Variants in ZNF385D observed in about 807,000 individuals in gnomAD.
ZNF385D encodes the protein zinc finger protein 385D.
A neutral mutation model predicts 35.8 loss-of-function variants in ZNF385D; 15 were observed. The ratio of observed to expected loss-of-function variants is 0.42; its 90% CI spans 0.28 to 0.64. ZNF385D has a LOEUF of 0.64. Ranked by LOEUF, ZNF385D falls within the 30% of genes least tolerant of loss-of-function variation. The probability of loss-of-function intolerance (pLI) is 0.23; values close to 1 mark genes in which losing one functional copy is unlikely to be tolerated. For missense variants in ZNF385D, 474 were observed against 494.6 expected (o/e 0.96, Z 0.39); for synonymous variants, 212 against 186.8 (o/e 1.13, Z -1.10).
chr3:22,338,698 A>ATTTTTTTTTTTTTTTTTTTTTTTTTTTT (rs562729331), intron 2 of ZNF385D, among the ~76,000 whole-genome samples: 2 of 125,434 alleles, frequency 1.6e-5, no homozygotes, highest in African/African-American at 3.1e-5. Context: ...TATTCATCTC[A>ATTTTTTTTTTTTTTTTTTTTTTTTTTTT]TTTTTTTTTT....
At chr3:21,529,503 T>C (rs2061870183) in intron 3 of ZNF385D, among the ~76,000 whole-genome samples, 1 of 152,172 alleles carries the variant, frequency 6.6e-6, no homozygotes, top group Non-Finnish European at 1.5e-5. Flanking sequence ...TTTTAAAAAT[T>C]CACTTCTGCC....
At chr3:21,854,514 T>G (rs1046817844) in intron 3 of ZNF385D, among the ~76,000 whole-genome samples, 1 of 151,968 alleles carries the variant, frequency 6.6e-6, no homozygotes, top group African/African-American at 2.4e-5. Flanking sequence ...TGTAGACATC[T>G]TAAAATTCTT....
At chr3:21,496,556 A>C (rs1705901669) in intron 4 of ZNF385D, among the ~76,000 whole-genome samples, 1 of 119,686 alleles carries the variant, frequency 8.4e-6, no homozygotes, top group African/African-American at 3.9e-5. Flanking sequence ...ATATACACAC[A>C]TATATTTGAT....
chr3:22,049,007 T>C (rs573265705), intron 3 of ZNF385D, among the ~76,000 whole-genome samples: 1 of 152,228 alleles, frequency 6.6e-6, no homozygotes, highest in Non-Finnish European at 1.5e-5. Flanking sequence ...ATAGAAATGC[T>C]GTTAATTGGC....
chr3:22,094,880 C>G (rs1388942089), intron 3 of ZNF385D, among the ~76,000 whole-genome samples: 1 of 151,972 alleles, frequency 6.6e-6, no homozygotes, highest in Non-Finnish European at 1.5e-5. Flanking sequence ...CAGATATTAT[C>G]CTTTTTCCTT....
chr3:22,202,485 G>T (rs190672497), intron 2 of ZNF385D, among the ~76,000 whole-genome samples: 2 of 152,178 alleles, frequency 1.3e-5, no homozygotes, highest in African/African-American at 4.8e-5. Context: ...TTGGATGGAG[G>T]CAGAGCAAGA....
intron 2 of ZNF385D, among the ~76,000 whole-genome samples, chr3:21,641,493 CCTTGCTGTGTAA>C (rs1288995748): frequency 1.3e-5 from 2 of 151,848 alleles, no homozygotes; most frequent in Admixed American, 6.6e-5. Flanking sequence ...TGTCTGGTCC[CCTTGCTGTGTAA>C]CTCAGGCTGC....
At chr3:21,988,531 G>T (rs552590793) in intron 3 of ZNF385D, among the ~76,000 whole-genome samples, 1 of 145,778 alleles carries the variant, frequency 6.9e-6, no homozygotes, top group African/African-American at 2.4e-5. Context: ...CCCGTTCTCA[G>T]ATCTCCAGCT....
intron 3 of ZNF385D, among the ~76,000 whole-genome samples, chr3:21,842,122 A>T (rs535701594): frequency 6.6e-6 from 1 of 152,122 alleles, no homozygotes; most frequent in Admixed American, 6.6e-5. Context: ...TTTCTCTTTC[A>T]GATGAAAAAC....
chr3:22,137,261 A>G (rs1361740374), intron 3 of ZNF385D, among the ~76,000 whole-genome samples: 1 of 152,196 alleles, frequency 6.6e-6, no homozygotes, highest in Middle Eastern at 3.2e-3. Context: ...AGCTGGTACC[A>G]TTCATTCTGA....
intron 3 of ZNF385D, among the ~76,000 whole-genome samples, chr3:22,131,353 C>T (rs1703773044): frequency 6.6e-6 from 1 of 151,508 alleles, no homozygotes; most frequent in East Asian, 1.9e-4. Flanking sequence ...GAAGCAATGC[C>T]TATTTGGAGT....
chr3:22,177,164 G>A (rs557160104), intron 2 of ZNF385D, among the ~76,000 whole-genome samples: 1 of 152,118 alleles, frequency 6.6e-6, no homozygotes, highest in African/African-American at 2.4e-5. Flanking sequence ...GGATGCTGAG[G>A]CTGCACTGTG....
rs1430082740 is a variant in ZNF385D at position 22,138,578 on chromosome 3, A to G, written c.325+30239T>C. Reference sequence around the variant, plus strand: ...ACAAGAAATGGGGAAAGGATTCCTTATTTAATAAATGGTGCTGGGAAAACT... The same window carrying G: ...ACAAGAAATGGGGAAAGGATTCCTTGTTTAATAAATGGTGCTGGGAAAACT... On this transcript the variant is annotated intron_variant, in intron 3 of 5. Coordinates refer to the ZNF385D transcript ENST00000494108. Among the ~76,000 whole-genome samples the G allele has an allele frequency of 6.6e-5, 10 of 151,584 alleles. No homozygotes were observed. In the East Asian group the frequency reaches 7.8e-4, roughly 12 times the overall value.
chr3:21,720,562 T>A (rs1489017303), intron 1 of ZNF385D, among the ~76,000 whole-genome samples: 2 of 152,078 alleles, frequency 1.3e-5, no homozygotes, highest in Non-Finnish European at 2.9e-5. Context: ...TCAAAAAAAA[T>A]GCCAATTCTC....
chr3:21,460,071 T>C (rs961354694), intron 4 of ZNF385D, among the ~76,000 whole-genome samples: 4 of 152,214 alleles, frequency 2.6e-5, no homozygotes, highest in Non-Finnish European at 5.9e-5. Context: ...AATGTTAAGC[T>C]TGCTCTTTAG....
At chr3:22,008,989 A>G (rs1696394070) in intron 3 of ZNF385D, among the ~76,000 whole-genome samples, 1 of 152,206 alleles carries the variant, frequency 6.6e-6, no homozygotes, top group South Asian at 2.1e-4. Flanking sequence ...AAAACAAAAC[A>G]ACAGGAATCA....
chr3:21,429,594 A>C (rs1397575497), intron 5 of ZNF385D, among the ~76,000 whole-genome samples: 1 of 152,122 alleles, frequency 6.6e-6, no homozygotes, highest in Non-Finnish European at 1.5e-5. Flanking sequence ...GGGACAAAGA[A>C]TATAACTATT....
At chr3:21,577,210 C>A (rs1192888145) in intron 2 of ZNF385D, among the ~76,000 whole-genome samples, 1 of 152,158 alleles carries the variant, frequency 6.6e-6, no homozygotes, top group Non-Finnish European at 1.5e-5. Context: ...CTGTTTACTT[C>A]TATGAAATCT....
intron 3 of ZNF385D, among the ~76,000 whole-genome samples, chr3:22,108,639 G>C (rs1702351306): frequency 1.3e-5 from 2 of 152,108 alleles, no homozygotes; most frequent in South Asian, 4.1e-4. Context: ...CCTCTCTAAG[G>C]CCAATTCTCT....
Sources: gnomAD v4.1 joint callset for allele counts (sites outside exome capture counted in the v4.1 genomes callset) on GRCh38, gnomAD v4.1.1 for gene constraint, MANE v1.5 for transcripts, NCBI Gene and HGNC (gene_info 2026-07-23, HGNC 2026-07-21) for gene names.